Variants in CTNND2 observed in about 807,000 individuals in gnomAD.
CTNND2 encodes catenin delta-2.
A neutral mutation model predicts 144.4 loss-of-function variants in CTNND2; 22 were observed. The ratio of observed to expected loss-of-function variants is 0.15; its 90% CI spans 0.11 to 0.22. The LOEUF is 0.22. Ranked by LOEUF, CTNND2 falls within the 10% of genes least tolerant of loss-of-function variation. The probability of loss-of-function intolerance (pLI) is 1.00; values close to 1 mark genes in which losing one functional copy is unlikely to be tolerated. For synonymous variants in CTNND2, 751 were observed against 695.6 expected (o/e 1.08, Z -1.25); for missense variants, 1,353 against 1,618.8 (o/e 0.84, Z 2.82).
intron 1 of CTNND2, among the ~76,000 whole-genome samples, chr5:11,740,853 A>G (rs969183549): frequency 3.3e-5 from 5 of 152,184 alleles, no homozygotes; most frequent in African/African-American, 1.2e-4. Flanking sequence ...AGAAAAAAAC[A>G]ACCCATCAAA....
intron 2 of CTNND2, among the ~76,000 whole-genome samples, chr5:11,658,397 T>C (rs1414858865): frequency 6.6e-6 from 1 of 152,122 alleles, no homozygotes. Context: ...CTAATACATG[T>C]CAGAGATATT....
intron 2 of CTNND2, among the ~76,000 whole-genome samples, chr5:11,716,322 G>A (rs1786348599): frequency 6.6e-6 from 1 of 152,160 alleles, no homozygotes; most frequent in Non-Finnish European, 1.5e-5. Flanking sequence ...TAAAATAATT[G>A]AGGGATGTTA....
chr5:11,728,611 T>G (rs12716086), intron 2 of CTNND2, among the ~76,000 whole-genome samples: 13,381 of 152,196 alleles, frequency 0.088, 1,202 homozygotes, highest in African/African-American at 0.23. Context: ...ATAATGGTAC[T>G]CAAAAAATCC....
At chr5:11,449,019 T>G (rs932577248) in intron 3 of CTNND2, among the ~76,000 whole-genome samples, 1 of 152,028 alleles carries the variant, frequency 6.6e-6, no homozygotes, top group African/African-American at 2.4e-5. Flanking sequence ...TTTTTTTTTT[T>G]TTTAATCCTG....
chr5:11,622,758 C>A (rs140339350), intron 2 of CTNND2, among the ~76,000 whole-genome samples: 2 of 152,120 alleles, frequency 1.3e-5, no homozygotes, highest in South Asian at 2.1e-4. Flanking sequence ...TCATTTATAT[C>A]CTGTCTACTT....
chr5:11,810,996 T>A (rs936799183), intron 1 of CTNND2, among the ~76,000 whole-genome samples: 2 of 152,196 alleles, frequency 1.3e-5, no homozygotes, highest in African/African-American at 2.4e-5. Context: ...ACATACTTAT[T>A]CCACATTAAG....
chr5:10,992,796 G>T, intron 18 of CTNND2, 119 bp from the exon 19 acceptor site: 1 of 1,330,396 alleles, frequency 7.5e-7, no homozygotes, highest in Non-Finnish European at 1.0e-6. Context: ...GTCAGAAGAG[G>T]TTCTTGAAGT....
At chr5:11,350,372 T>C (rs1274227556) in intron 8 of CTNND2, among the ~76,000 whole-genome samples, 1 of 151,758 alleles carries the variant, frequency 6.6e-6, no homozygotes, top group Admixed American at 6.6e-5. Context: ...AAAATATATA[T>C]ATAATTATCT....
At chr5:11,394,857 A>T (rs1759936883) in intron 6 of CTNND2, among the ~76,000 whole-genome samples, 1 of 152,216 alleles carries the variant, frequency 6.6e-6, no homozygotes, top group South Asian at 2.1e-4. Flanking sequence ...TAAATTTACG[A>T]ACCAGATAAA....
chr5:11,421,089 T>G (rs1032905033), intron 3 of CTNND2, among the ~76,000 whole-genome samples: 1 of 152,068 alleles, frequency 6.6e-6, no homozygotes, highest in African/African-American at 2.4e-5. Flanking sequence ...ATATAGCAGC[T>G]CGTCTGACCT....
chr5:11,046,142 G>A (rs1580132624), intron 16 of CTNND2, among the ~76,000 whole-genome samples: 1 of 152,190 alleles, frequency 6.6e-6, no homozygotes, highest in South Asian at 2.1e-4. Context: ...CCCTCAGAAT[G>A]CGGCCTTATG....
intron 11 of CTNND2, among the ~76,000 whole-genome samples, chr5:11,176,795 A>G (rs1278792092): frequency 6.6e-6 from 1 of 152,128 alleles, no homozygotes; most frequent in Non-Finnish European, 1.5e-5. Context: ...CCCTCTGTTT[A>G]TCTCAACTGG....
intron 10 of CTNND2, among the ~76,000 whole-genome samples, chr5:11,210,947 A>G (rs1216954063): frequency 6.6e-6 from 1 of 152,172 alleles, no homozygotes; most frequent in Non-Finnish European, 1.5e-5. Context: ...GGGAGCAAAT[A>G]TGACCTTTGC....
chr5:11,240,701 AAC>A (rs372500298), intron 9 of CTNND2, among the ~76,000 whole-genome samples: 2,220 of 132,394 alleles, frequency 0.017, 47 homozygotes, highest in African/African-American at 0.051. Context: ...ACAGACACCC[AAC>A]ACACACACAC....
At chr5:11,644,263 G>A (rs1268287531) in intron 2 of CTNND2, among the ~76,000 whole-genome samples, 1 of 152,136 alleles carries the variant, frequency 6.6e-6, no homozygotes, top group African/African-American at 2.4e-5. Context: ...GTACCAACGT[G>A]GCACTTTATG....
intron 2 of CTNND2, among the ~76,000 whole-genome samples, chr5:11,702,820 C>T (rs1302809713): frequency 2.0e-5 from 3 of 152,220 alleles, no homozygotes; most frequent in Admixed American, 2.0e-4. Context: ...CTCCATTTCT[C>T]CTTGCTCTAA....
At position 11,793,731 on chromosome 5, in the gene CTNND2, T is replaced by C. The variant is rs147448235; in HGVS notation, c.38-61459A>G. ...TCTGACCTCCAGAACTGAAGGTAAA[T>C]TTCTGTTGTTCTAAGTCACTCAGAT... On this transcript the variant is annotated intron_variant, in intron 1 of 21. Coordinates refer to ENST00000304623, the MANE Select transcript of CTNND2 (RefSeq NM_001332.4). 2.0e-4 allele frequency among the ~76,000 whole-genome samples: 31 copies of C among 152,260 alleles called. 1 individual carries two copies. In the East Asian group the frequency reaches 2.5e-3, roughly 12 times the overall value.
chr5:11,575,461 C>A (rs943639125), intron 2 of CTNND2, among the ~76,000 whole-genome samples: 1 of 152,264 alleles, frequency 6.6e-6, no homozygotes, highest in East Asian at 1.9e-4. Context: ...TGCTCCCTCA[C>A]TCTACCTCTC....
At chr5:11,470,392 C>T (rs1032163322) in intron 3 of CTNND2, among the ~76,000 whole-genome samples, 1 of 152,036 alleles carries the variant, frequency 6.6e-6, no homozygotes, top group African/African-American at 2.4e-5. Context: ...GAGATTGTGC[C>T]ATTGCACTCC....
Sources: gnomAD v4.1 joint callset for allele counts (sites outside exome capture counted in the v4.1 genomes callset) on GRCh38, gnomAD v4.1.1 for gene constraint, MANE v1.5 for transcripts, NCBI Gene and HGNC (gene_info 2026-07-23, HGNC 2026-07-21) for gene names.